The following RAD51B variants were observed in gnomAD, a reference collection of about 807,000 sequenced individuals.
The protein encoded by RAD51B is RAD51 paralog B, also known as DNA repair protein RAD51 homolog 2.
RAD51B carries 38 observed loss-of-function variants against 42.2 expected under a neutral mutation model. That is an observed-to-expected ratio of 0.90 (90% CI 0.70 to 1.18). RAD51B has a LOEUF of 1.18. RAD51B is among the 50% of genes most tolerant of loss of function. RAD51B has a pLI of 0.00. For missense variants in RAD51B, 373 were observed against 400.7 expected (o/e 0.93, Z 0.59); for synonymous variants, 154 against 145.2 (o/e 1.06, Z -0.43).
At position 67,885,985 on chromosome 14, in the gene RAD51B, A is replaced by G. The variant is rs2043049143; in HGVS notation, c.569A>G (p.Gln190Arg). ...YRELTCDEVLQRIESLEEEII... is the reference protein window; with the variant it reads ...YRELTCDEVLRRIESLEEEII... ...GAACTCACCTGTGATGAAGTTCTAC[A>G]AAGGTATGCTGCTTTAGATTTTGAT... The change falls in exon 6 of 11, where the codon CAA (glutamine) becomes CGA (arginine). Residue 190 changes from glutamine (Q) to arginine (R), a missense_variant. Physicochemically the swap from Gln to Arg is conservative, Grantham distance 43. Transcript: ENST00000471583. The G allele has an allele frequency of 9.4e-6, 15 of 1,589,466 alleles. No individual in the cohort carries two copies. The highest frequency in any genetic ancestry group is 1.3e-5 in the Non-Finnish European group (15 of 1,162,112).
At chr14:68,249,372 GTATACCC>G (rs2080570984) in intron 7 of RAD51B, among the ~76,000 whole-genome samples, 1 of 152,134 alleles carries the variant, frequency 6.6e-6, no homozygotes, top group African/African-American at 2.4e-5. Flanking sequence ...AATACTCTAA[GTATACCC>G]TACATTAAGA....
At chr14:68,182,372 ATG>A (rs1165880363) in intron 7 of RAD51B, among the ~76,000 whole-genome samples, 1 of 152,240 alleles carries the variant, frequency 6.6e-6, no homozygotes, top group Non-Finnish European at 1.5e-5. Context: ...TTATAGACAA[ATG>A]TGTTTGCACA....
intron 7 of RAD51B, among the ~76,000 whole-genome samples, chr14:68,199,130 T>C (rs1202835188): frequency 2.6e-5 from 4 of 152,222 alleles, no homozygotes; most frequent in Non-Finnish European, 5.9e-5. Context: ...GTATCTTTTC[T>C]CTTTCTCTGA....
chr14:67,924,225 T>C (rs897777248), intron 7 of RAD51B, among the ~76,000 whole-genome samples: 1 of 152,230 alleles, frequency 6.6e-6, no homozygotes, highest in Non-Finnish European at 1.5e-5. Flanking sequence ...AGAGGCTTTT[T>C]AGTTTAATTA....
chr14:68,349,453 G>A (rs991958692), intron 8 of RAD51B, among the ~76,000 whole-genome samples: 3 of 151,986 alleles, frequency 2.0e-5, no homozygotes, highest in South Asian at 2.1e-4. Context: ...TGCAACCTCC[G>A]CCTCCCAGGT....
intron 9 of RAD51B, among the ~76,000 whole-genome samples, chr14:68,434,091 C>T (rs567765806): frequency 6.6e-6 from 1 of 152,292 alleles, no homozygotes; most frequent in South Asian, 2.1e-4. Flanking sequence ...GCTGCCTCAT[C>T]GTTCCTCTGG....
intron 7 of RAD51B, among the ~76,000 whole-genome samples, chr14:68,287,333 A>G (rs368148416): frequency 1.3e-5 from 2 of 152,208 alleles, no homozygotes; most frequent in South Asian, 4.1e-4. Flanking sequence ...CATACAGTTA[A>G]GAGGGCAATG....
At chr14:68,296,109 A>C (rs2081608928) in intron 8 of RAD51B, among the ~76,000 whole-genome samples, 1 of 152,204 alleles carries the variant, frequency 6.6e-6, no homozygotes, top group South Asian at 2.1e-4. Context: ...CAACATCAAC[A>C]ACACAGTCAT....
intron 10 of RAD51B, among the ~76,000 whole-genome samples, chr14:68,531,689 T>G (rs1284682427): frequency 6.6e-6 from 1 of 152,132 alleles, no homozygotes; most frequent in African/African-American, 2.4e-5. Flanking sequence ...CACAAACTGA[T>G]ATATCCTTTA....
chr14:68,416,748 TG>T (rs2084570411), intron 9 of RAD51B, among the ~76,000 whole-genome samples: 2 of 152,180 alleles, frequency 1.3e-5, no homozygotes, highest in Admixed American at 1.3e-4. Context: ...CTGTAGTCTA[TG>T]GGAGGATGGG....
At chr14:68,327,156 A>G (rs1370798933) in intron 8 of RAD51B, among the ~76,000 whole-genome samples, 2 of 152,186 alleles carry the variant, frequency 1.3e-5, no homozygotes, top group Non-Finnish European at 2.9e-5. Flanking sequence ...AAGGGTGTGT[A>G]TCTTAATTTT....
chr14:68,676,977 G>A (rs953418414), intron 11 of RAD51B, among the ~76,000 whole-genome samples: 6 of 152,186 alleles, frequency 3.9e-5, no homozygotes, highest in East Asian at 3.9e-4. Flanking sequence ...AGCACAAAGC[G>A]TGGAGCTCCC....
chr14:68,200,464 A>C (rs1383088040), intron 7 of RAD51B, among the ~76,000 whole-genome samples: 1 of 152,324 alleles, frequency 6.6e-6, no homozygotes, highest in East Asian at 1.9e-4. Flanking sequence ...ACATTTTACT[A>C]TGGAAAATTC....
intron 10 of RAD51B, among the ~76,000 whole-genome samples, chr14:68,578,325 C>T (rs1890057193): frequency 6.6e-6 from 1 of 152,074 alleles, no homozygotes; most frequent in Non-Finnish European, 1.5e-5. Context: ...GCAAGAGAAT[C>T]GCTTGAACCC....
chr14:68,470,587 C>G, intron 10 of RAD51B: 1 of 508,032 alleles, frequency 2.0e-6, no homozygotes, highest in Non-Finnish European at 3.9e-6. Context: ...ATTGGTGGGT[C>G]ATGAAGTGAA....
At chr14:68,134,481 G>A (rs1397855764) in intron 7 of RAD51B, among the ~76,000 whole-genome samples, 2 of 152,116 alleles carry the variant, frequency 1.3e-5, no homozygotes, top group Non-Finnish European at 1.5e-5. Flanking sequence ...ATCCTGGGTT[G>A]TATAGTAAAT....
chr14:68,087,129 C>A (rs2076997452), intron 7 of RAD51B, among the ~76,000 whole-genome samples: 1 of 150,032 alleles, frequency 6.7e-6, no homozygotes, highest in South Asian at 2.1e-4. Context: ...GAGTGAAACG[C>A]CATCTCAAAA....
chr14:68,597,250 G>A (rs1891035969), downstream of RAD51B, among the ~76,000 whole-genome samples: 1 of 152,154 alleles, frequency 6.6e-6, no homozygotes, highest in Non-Finnish European at 1.5e-5. Flanking sequence ...CACCGTCTGG[G>A]GGAACCATAC....
intron 8 of RAD51B, among the ~76,000 whole-genome samples, chr14:68,390,342 T>A (rs1201130771): frequency 6.6e-6 from 1 of 152,244 alleles, no homozygotes; most frequent in Non-Finnish European, 1.5e-5. Context: ...CTTAGCCTGT[T>A]ATCATTTTGG....
Sources: allele counts gnomAD v4.1 joint callset (sites outside exome capture counted in the v4.1 genomes callset), GRCh38; gene constraint gnomAD v4.1.1; transcripts MANE v1.5; gene names NCBI Gene and HGNC (gene_info 2026-07-23, HGNC 2026-07-21).